TOM1L2: variants seen among roughly 807,000 people sequenced by gnomAD.
TOM1L2 encodes the protein TOM1-like protein 2.
TOM1L2 carries 31 observed loss-of-function variants against 67.9 expected under a neutral mutation model. The observed-to-expected ratio is 0.46, with a 90% CI of 0.34 to 0.62. TOM1L2 has a LOEUF of 0.62. Among genes scored for constraint, TOM1L2 ranks in the 20% least tolerant of loss-of-function variants. TOM1L2 has a pLI of 0.01. For missense variants in TOM1L2, 606 were observed against 663.5 expected, an observed-to-expected ratio of 0.91 and a Z score of 0.95; for synonymous variants, 256 against 254.0, an observed-to-expected ratio of 1.01 and a Z score of -0.07.
intron 4 of TOM1L2, among the ~76,000 whole-genome samples, chr17:17,885,380 G>C (rs562123837): frequency 2.6e-5 from 4 of 152,238 alleles, no homozygotes; most frequent in Admixed American, 6.5e-5. Flanking sequence ...TGGTTCAAGG[G>C]AAGAAGAGCC....
intron 1 of TOM1L2, among the ~76,000 whole-genome samples, chr17:17,945,265 C>CAT (rs879925271): frequency 6.8e-6 from 1 of 147,784 alleles, no homozygotes; most frequent in Non-Finnish European, 1.5e-5. Context: ...CACACACACA[C>CAT]ATACACACAC....
intron 3 of TOM1L2, among the ~76,000 whole-genome samples, chr17:17,895,418 T>C (rs570404931): frequency 1.2e-4 from 18 of 152,160 alleles, no homozygotes; most frequent in Non-Finnish European, 1.8e-4. Flanking sequence ...GGACAAAACA[T>C]AGCCGTAAAG....
At chr17:17,938,133 C>T (rs1204530876) in intron 1 of TOM1L2, among the ~76,000 whole-genome samples, 1 of 152,092 alleles carries the variant, frequency 6.6e-6, no homozygotes, top group Non-Finnish European at 1.5e-5. Flanking sequence ...GAGGAGAGGA[C>T]CCAGGACTAC....
chr17:17,910,292 C>T (rs1424570287), intron 1 of TOM1L2, among the ~76,000 whole-genome samples: 1 of 152,204 alleles, frequency 6.6e-6, no homozygotes, highest in African/African-American at 2.4e-5. Context: ...ACTTGACTCC[C>T]TTCCCCCTCT....
At chr17:17,966,724 G>A (rs2041884482) in intron 1 of TOM1L2, among the ~76,000 whole-genome samples, 2 of 152,156 alleles carry the variant, frequency 1.3e-5, no homozygotes, top group South Asian at 4.1e-4. Context: ...TCAGAGCCTC[G>A]ATTTCCTTAT....
At chr17:17,970,236 T>C (rs1479410166) in intron 1 of TOM1L2, among the ~76,000 whole-genome samples, 3 of 152,014 alleles carry the variant, frequency 2.0e-5, no homozygotes, top group African/African-American at 7.3e-5. Context: ...CTTTTTTTTT[T>C]TGGATTTTTA....
intron 1 of TOM1L2, among the ~76,000 whole-genome samples, chr17:17,965,452 C>G (rs1176246337): frequency 6.6e-6 from 1 of 152,196 alleles, no homozygotes; most frequent in Non-Finnish European, 1.5e-5. Flanking sequence ...TTTTCCATTT[C>G]TACACAAACC....
intron 7 of TOM1L2, among the ~76,000 whole-genome samples, chr17:17,875,595 G>A (rs2037384384): frequency 6.6e-6 from 1 of 152,206 alleles, no homozygotes; most frequent in African/African-American, 2.4e-5. Context: ...CTCAACAGAG[G>A]GAAGAACAGC....
intron 13 of TOM1L2, among the ~76,000 whole-genome samples, chr17:17,849,903 G>A (rs2035863351): frequency 6.6e-6 from 1 of 152,228 alleles, no homozygotes; most frequent in Non-Finnish European, 1.5e-5. Flanking sequence ...CACCCAGGCA[G>A]CTGCCTTCTT....
chr17:17,892,410 G>T (rs184183837), intron 4 of TOM1L2, among the ~76,000 whole-genome samples: 36 of 152,240 alleles, frequency 2.4e-4, no homozygotes, highest in African/African-American at 8.7e-4. Context: ...CTCTGCCACA[G>T]CACTAATCAC....
At position 17,852,789 on chromosome 17, in the gene TOM1L2, T is replaced by G. The variant is rs528014348; in HGVS notation, c.1279-1837A>C. ...CTGAGGCAGGAGAATCACTTGAACCTGGGAGGCAGAGGTTGCAGTGAGCCG... is the reference window on the plus strand; with the variant it reads ...CTGAGGCAGGAGAATCACTTGAACCGGGGAGGCAGAGGTTGCAGTGAGCCG... On this transcript the variant is annotated intron_variant, in intron 12 of 14. Coordinates refer to ENST00000379504, the MANE Select transcript of TOM1L2 (RefSeq NM_001082968.2). 6.1e-3 allele frequency among the ~76,000 whole-genome samples: 866 copies of G among 141,316 alleles called. 5 individuals are homozygous for G. The highest frequency in any genetic ancestry group is 0.012 in the Middle Eastern group (3 of 258). The allele number at this position is 141,316 out of a possible 152,430, so 92.7% of individuals were successfully genotyped here. A position where few individuals can be genotyped will look rare whatever the true frequency, so the allele number is the denominator to read the frequency against.
intron 1 of TOM1L2, among the ~76,000 whole-genome samples, chr17:17,951,186 GC>G (rs757344032): frequency 4.2e-4 from 64 of 152,252 alleles, no homozygotes; most frequent in Non-Finnish European, 8.4e-4. Flanking sequence ...CCCTTGCGGG[GC>G]TGCAAGGAAA....
intron 4 of TOM1L2, among the ~76,000 whole-genome samples, chr17:17,889,923 T>G (rs2038188892): frequency 6.6e-6 from 1 of 152,164 alleles, no homozygotes. Context: ...GTTACCGCTC[T>G]GGCACCCCAC....
chr17:17,966,237 T>C (rs2041866976), intron 1 of TOM1L2, among the ~76,000 whole-genome samples: 1 of 152,200 alleles, frequency 6.6e-6, no homozygotes, highest in African/African-American at 2.4e-5. Context: ...CTATCCAATC[T>C]TGCAACTACT....
intron 6 of TOM1L2, among the ~76,000 whole-genome samples, chr17:17,880,167 A>G (rs2037647087): frequency 6.6e-6 from 1 of 152,182 alleles, no homozygotes; most frequent in South Asian, 2.1e-4. Flanking sequence ...CTGAGATCCT[A>G]TTCTACAAAG....
At position 17,958,555 on chromosome 17, in the gene TOM1L2, C is replaced by T. The variant is rs113956376; in HGVS notation, c.52+13707G>A. On this transcript the variant is annotated intron_variant, in intron 1 of 14. Coordinates refer to ENST00000379504, the MANE Select transcript of TOM1L2 (RefSeq NM_001082968.2). The stretch of plus-strand genomic sequence containing the variant: ...TGACAGACTTACTACCCCATGCTTA[C>T]CCTCCCTGCCCATATACAAATATCT... Among the ~76,000 whole-genome samples, 1,257 of 152,274 alleles carry T rather than the reference C, an allele frequency of 8.3e-3. 20 individuals are homozygous for T. The highest frequency in any genetic ancestry group is 0.029 in the African/African-American group (1,211 of 41,544).
chr17:17,855,070 G>T (rs2036190744), intron 12 of TOM1L2, among the ~76,000 whole-genome samples: 1 of 152,204 alleles, frequency 6.6e-6, no homozygotes, highest in Admixed American at 6.5e-5. Flanking sequence ...GGTTAGACCA[G>T]CCCTGCCCAT....
chr17:17,885,563 C>G (rs996030039), intron 4 of TOM1L2, among the ~76,000 whole-genome samples: 7 of 152,228 alleles, frequency 4.6e-5, no homozygotes, highest in African/African-American at 1.7e-4. Flanking sequence ...AAACATATCA[C>G]AGAGAGGAAA....
chr17:17,940,714 G>A (rs1489018112), intron 1 of TOM1L2, among the ~76,000 whole-genome samples: 3 of 152,210 alleles, frequency 2.0e-5, no homozygotes, highest in Non-Finnish European at 2.9e-5. Flanking sequence ...AGCTGTCATT[G>A]GGGTGACCTC....
Sources: gnomAD v4.1 joint callset for allele counts (sites outside exome capture counted in the v4.1 genomes callset) on GRCh38, gnomAD v4.1.1 for gene constraint, MANE v1.5 for transcripts, NCBI Gene and HGNC (gene_info 2026-07-23, HGNC 2026-07-21) for gene names.